The following PRR14 variants were observed in gnomAD, a reference collection of about 807,000 sequenced individuals.
PRR14 encodes the protein proline rich 14.
PRR14 carries 33 observed loss-of-function variants against 57.2 expected under a neutral mutation model. The ratio of observed to expected loss-of-function variants is 0.58; its 90% confidence interval spans 0.44 to 0.77. The LOEUF (loss-of-function observed/expected upper bound fraction) is 0.77, where lower values mean the gene tolerates loss of function less well. PRR14 is among the 30% of genes least tolerant of loss of function. The probability of loss-of-function intolerance (pLI) is 0.00; values close to 1 mark genes in which losing one functional copy is unlikely to be tolerated. For synonymous variants in PRR14, 303 were observed against 314.7 expected (o/e 0.96, Z 0.39); for missense variants, 716 against 788.1 (o/e 0.91, Z 1.10).
chr16:30,652,665 T>G, intron 3 of PRR14, 56 bp from the exon 4 acceptor site: 1 of 1,610,178 alleles, frequency 6.2e-7, no homozygotes, highest in Non-Finnish European at 8.5e-7. Flanking sequence ...CAGGGAAACC[T>G]TGTCCCGTCC....
chr16:30,653,018 G>C lies in PRR14; in HGVS notation c.419G>C (p.Gly140Ala). The C allele has an allele frequency of 6.2e-7, 1 of 1,614,078 alleles. No individual in the cohort carries two copies. Among genetic ancestry groups the C allele is most frequent in the Non-Finnish European group, 8.5e-7 (1 of 1,179,998 alleles). Residue 140 changes from glycine (G) to alanine (A), a missense_variant, in exon 5 of 12, where the codon GGC becomes GCC. Physicochemically the swap from Gly to Ala is moderately conservative, Grantham distance 60 (BLOSUM62 0). Coordinates refer to ENST00000300835, the MANE Select transcript of PRR14 (RefSeq NM_024031.5). ...RSRTTPGPEE[G>A]PSQKVDRAPQ... ...AGGACAACCCCTGGCCCAGAGGAGG[G>C]CCCTTCACAAAAGGTGGACCGGGCC...
At position 30,652,853 on chromosome 16, in the gene PRR14, C is replaced by T; in HGVS notation, c.314+11C>T. 6.2e-7 allele frequency: 1 copy of T among 1,614,072 alleles called. No individual in the cohort carries two copies. Among genetic ancestry groups the T allele is most frequent in the Non-Finnish European group, 8.5e-7 (1 of 1,180,016 alleles). ...GTCCTCGCAGGCCAGGTGAGCATGGCAGGATGGGGGTAAGCCGAGGGCCCA... is the reference window on the plus strand; with the variant it reads ...GTCCTCGCAGGCCAGGTGAGCATGGTAGGATGGGGGTAAGCCGAGGGCCCA... On this transcript the variant is annotated intron_variant, in intron 4 of 11. Coordinates refer to ENST00000300835, the MANE Select transcript of PRR14 (RefSeq NM_024031.5).
At position 30,654,729 on chromosome 16, in the gene PRR14, C is replaced by T. The variant is rs1211876701; in HGVS notation, c.759C>T (p.Val253=). 15 of 1,613,770 alleles carry T rather than the reference C, an allele frequency of 9.3e-6. 1 individual carries two copies. In the South Asian group the frequency reaches 1.6e-4, roughly 18 times the overall value. ...GCTTGGCCCCGCTCTTCCGTTCCGTCCGCTCCAAGCTGGAGAGCTTTGCTG... is the reference window on the plus strand; with the variant it reads ...GCTTGGCCCCGCTCTTCCGTTCCGTTCGCTCCAAGCTGGAGAGCTTTGCTG... ...PWGLAPLFRS[V]RSKLESFADI... The change falls in exon 8 of 12, where the codon GTC becomes GTT. Residue 253 remains valine (V), a synonymous_variant. Transcript: ENST00000300835.
chr16:30,656,177 G>A lies in PRR14; in HGVS notation c.1624G>A (p.Gly542Arg). Residue 542 changes from glycine to arginine, a missense_variant, in exon 12 of 12, where the codon GGG becomes AGG. Gly to Arg is a moderately radical substitution (Grantham distance 125). Transcript: ENST00000300835. ...RRPSRGVRAA[G>R]GRTVPPNVAP... The stretch of plus-strand genomic sequence containing the variant: ...ACCGTCCCGTGGGGTCCGGGCTGCA[G>A]GGGGCAGGACTGTTCCTCCCAATGT... The A allele has an allele frequency of 2.5e-6, 4 of 1,602,996 alleles. No homozygotes were observed. Among genetic ancestry groups the A allele is most frequent in the Non-Finnish European group, 3.4e-6 (4 of 1,176,084 alleles).
intron 3 of PRR14, chr16:30,652,184 A>AC (rs2052320045): frequency 3.1e-6 from 2 of 641,280 alleles, no homozygotes; most frequent in African/African-American, 3.7e-5. Flanking sequence ...TTGGGCTGGA[A>AC]CCACATCCCT....
At chr16:30,653,984 T>C (rs1404611971) in intron 6 of PRR14, 3 of 469,010 alleles carry the variant, frequency 6.4e-6, no homozygotes, top group East Asian at 3.6e-5. Flanking sequence ...TTTAAATTAG[T>C]TGGATGTGGT....
Position 30,655,863 on chromosome 16 carries a change from C to T in PRR14, c.1407-5C>T. The T allele has an allele frequency of 1.9e-6, 3 of 1,614,054 alleles. No individual in the cohort carries two copies. The highest frequency in any genetic ancestry group is 1.1e-5 in the South Asian group (1 of 91,042). ...TTCTCAGTGGCCTCTGCTCTTTGCT[C>T]ACAGGTTGAACAAGAAGGAGTTCAG... On this transcript the variant is annotated splice_region_variant and splice_polypyrimidine_tract_variant and intron_variant, in intron 10 of 11. Coordinates refer to ENST00000300835, the MANE Select transcript of PRR14 (RefSeq NM_024031.5). The surrounding 1 kb of genome is among the most constrained non-coding windows in gnomAD (Gnocchi z 4.6).
In PRR14 at chr16:30,655,645, A is replaced by G. The variant is rs771108052; in HGVS notation, c.1406+52A>G. 45 of 1,523,750 alleles carry G rather than the reference A, an allele frequency of 3.0e-5. No homozygotes were observed. The East Asian group carries it at 1.0e-3, about 34-fold the overall frequency. 94.4% of individuals were successfully genotyped at this position (1,523,750 alleles called of 1,614,324 possible). ...ATCTTGGCCAAACAGATGCAGGCTT[A>G]TGTCCCCTGAAGTATAGCTTTGTCT... On this transcript the variant is annotated intron_variant, in intron 10 of 11. Transcript: ENST00000300835. This position sits in a 1 kb window ranked among gnomAD's most constrained non-coding sequence, Gnocchi z 4.6.
chr16:30,655,278 G>C lies in PRR14; in HGVS notation c.1244+64G>C. 6.2e-7 allele frequency: 1 copy of C among 1,604,876 alleles called. No homozygotes were observed. The highest frequency in any genetic ancestry group is 1.3e-5 in the African/African-American group (1 of 74,862). On this transcript the variant is annotated intron_variant, in intron 8 of 11. Transcript: ENST00000300835. The surrounding 1 kb of genome is among the most constrained non-coding windows in gnomAD (Gnocchi z 4.6). ...GCCTGGTCCCAGCCTCCTTCCCTGA[G>C]TATCCAGTGGGCAGGAGACGGGGGA...
chr16:30,651,775 T>C lies in PRR14; in HGVS notation c.24-21T>C, dbSNP rs753906581. 15 of 1,607,794 alleles carry C rather than the reference T, an allele frequency of 9.3e-6. No individual in the cohort carries two copies. In the Admixed American group the frequency reaches 1.0e-4, roughly 11 times the overall value. ...CAGCGACAGGTTCGGGCGACCGTCC[T>C]CTGCTTCTTTCACCCTCCAGCCCGC... On this transcript the variant is annotated intron_variant, in intron 2 of 11. Coordinates refer to ENST00000300835, the MANE Select transcript of PRR14 (RefSeq NM_024031.5). This position sits in a 1 kb window ranked among gnomAD's most constrained non-coding sequence, Gnocchi z 5.0.
intron 6 of PRR14, 118 bp from the exon 7 acceptor site, chr16:30,654,112 G>A (rs2052340184): frequency 1.4e-6 from 1 of 727,740 alleles, no homozygotes; most frequent in Admixed American, 2.2e-5. Flanking sequence ...CTGGGCCACA[G>A]AGCAAGGCTC....
rs372533577 is a variant in PRR14, at chr16:30,654,873, G to A, written c.903G>A (p.Ala301=). 1.6e-5 allele frequency: 26 copies of A among 1,609,738 alleles called. No homozygotes were observed. The highest frequency in any genetic ancestry group is 1.6e-4 in the Middle Eastern group (1 of 6,072). Residue 301 remains alanine (A), a synonymous_variant, in exon 8 of 12, where the codon GCG becomes GCA. Coordinates refer to ENST00000300835, the MANE Select transcript of PRR14 (RefSeq NM_024031.5). ...AEQSGAAEGT[A]SVSPRPPIRQ... ...AGTCTGGGGCTGCTGAGGGCACTGC[G>A]TCTGTCAGCCCCCGGCCCCCAATCC...
chr16:30,654,388 C>A, intron 7 of PRR14, 49 bp downstream of exon 7: 1 of 1,466,992 alleles, frequency 6.8e-7, no homozygotes, highest in Non-Finnish European at 9.6e-7. Context: ...CTGGGACATC[C>A]TAGTTGAGCT....
intron 6 of PRR14, chr16:30,653,980 T>G: frequency 2.2e-6 from 1 of 453,716 alleles, no homozygotes; most frequent in Non-Finnish European, 4.0e-6. Flanking sequence ...TTGTTTTAAA[T>G]TAGTTGGATG....
Position 30,655,191 on chromosome 16 carries a change from C to G in PRR14, c.1221C>G (p.Ser407=). ...TTSCSSTAST[S]FSEPAEPRLG... is the part of the protein sequence containing the mutation. The stretch of plus-strand genomic sequence containing the variant: ...CTTGCTCGTCCACGGCATCCACTTC[C>G]TTCTCCGAACCAGCAGAACCCAGGT... Residue 407 remains serine (S), a synonymous_variant, in exon 8 of 12, where the codon TCC becomes TCG. Transcript: ENST00000300835. The surrounding 1 kb of genome is among the most constrained non-coding windows in gnomAD (Gnocchi z 4.6). 2 of 1,596,210 alleles carry G rather than the reference C, an allele frequency of 1.3e-6. No individual in the cohort carries two copies. Among genetic ancestry groups the G allele is most frequent in the Non-Finnish European group, 1.7e-6 (2 of 1,169,862 alleles).
rs374510412 is a variant in PRR14 at position 30,655,467 on chromosome 16, A to T, written c.1315-35A>T. On this transcript the variant is annotated intron_variant, in intron 9 of 11. Coordinates refer to ENST00000300835, the MANE Select transcript of PRR14 (RefSeq NM_024031.5). The surrounding 1 kb of genome is among the most constrained non-coding windows in gnomAD (Gnocchi z 4.6). ...AAGAGACTAGTGGGGGCCTGAGCCC[A>T]TGTCACTCTTTCACCCTCTGCCCCA... is the stretch of plus-strand genomic sequence containing the variant. 4.3e-6 allele frequency: 7 copies of T among 1,613,872 alleles called. 1 individual carries two copies. The South Asian group carries it at 4.4e-5, about 10-fold the overall frequency.
In PRR14 at chr16:30,653,417, G is replaced by T. The variant is rs375615127; in HGVS notation, c.548+9G>T. ...ATCATCCCAGCACAAAGGTGAGAGG[G>T]CTGGAGTAGGGATTATCAAAGGATC... is the stretch of plus-strand genomic sequence containing the variant. On this transcript the variant is annotated intron_variant, in intron 6 of 11. Transcript: ENST00000300835. 2.5e-6 allele frequency: 4 copies of T among 1,613,080 alleles called. No homozygotes were observed. The highest frequency in any genetic ancestry group is 3.4e-6 in the Non-Finnish European group (4 of 1,179,386).
chr16:30,653,204 G>A, intron 5 of PRR14, 101 bp downstream of exon 5: 1 of 1,400,554 alleles, frequency 7.1e-7, no homozygotes, highest in South Asian at 1.3e-5. Context: ...CTTGGGGTGA[G>A]GAGGATGGCA....
rs776033135 is a variant in PRR14, at chr16:30,651,886, G to A, written c.114G>A (p.Pro38=). Residue 38 remains proline, a synonymous_variant, in exon 3 of 12, where the codon CCG becomes CCA. Coordinates refer to ENST00000300835, the MANE Select transcript of PRR14 (RefSeq NM_024031.5). The surrounding 1 kb of genome is among the most constrained non-coding windows in gnomAD (Gnocchi z 5.0). Reference sequence around the variant, plus strand: ...CGAAACGGCCGAGGCTGCAGCTCCCGGGGGCCCCTTCTCCCCTGGAAAAGG... The same window carrying A: ...CGAAACGGCCGAGGCTGCAGCTCCCAGGGGCCCCTTCTCCCCTGGAAAAGG... The part of the protein sequence containing the change: ...RSPKRPRLQL[P]GAPSPLEKAS... 11 of 1,603,834 alleles carry A rather than the reference G, an allele frequency of 6.9e-6. No individual in the cohort carries two copies. The highest frequency in any genetic ancestry group is 6.6e-5 in the South Asian group (6 of 90,488).
Sources: allele counts gnomAD v4.1 joint callset, GRCh38; gene constraint gnomAD v4.1.1; non-coding constraint Gnocchi (gnomAD v3.1); transcripts MANE v1.5; gene names NCBI Gene and HGNC (gene_info 2026-07-23, HGNC 2026-07-21).